The following CAPN8 variants were observed in gnomAD, a reference collection of about 807,000 sequenced individuals.
CAPN8 encodes calpain 8.
A neutral mutation model predicts 80.9 loss-of-function variants in CAPN8; 87 were observed. The observed-to-expected ratio is 1.07, with a 90% confidence interval of 0.90 to 1.28. The LOEUF (loss-of-function observed/expected upper bound fraction) is 1.28. Among genes scored for constraint, CAPN8 ranks in the 50% most tolerant of loss-of-function variants. CAPN8 has a pLI of 0.00. For missense variants in CAPN8, 757 were observed against 702.0 expected (o/e 1.08, Z -0.89); for synonymous variants, 299 against 273.8 (o/e 1.09, Z -0.91).
chr1:223,628,818 C>T, intron 2 of CAPN8, 38 bp from the exon 3 acceptor site: 1 of 1,503,204 alleles, frequency 6.7e-7, no homozygotes, highest in South Asian at 1.2e-5. Flanking sequence ...TGGTCAGGCC[C>T]AGCCTGCAGG....
Position 223,550,941 on chromosome 1 carries a change from A to T in CAPN8, c.1699+19T>A. ...GCATCTCCTACGGACTTTCTGAAAG[A>T]CCCCAAGAAGGAACTTACTCTTGGA... is the stretch of plus-strand genomic sequence containing the variant. On this transcript the variant is annotated intron_variant, in intron 15 of 20. Coordinates refer to ENST00000366872, the MANE Select transcript of CAPN8 (RefSeq NM_001143962.2). The T allele has an allele frequency of 1.4e-6, 1 of 717,494 alleles. No homozygotes were observed. The highest frequency in any genetic ancestry group is 1.5e-5 in the South Asian group (1 of 67,516). 44.4% of individuals were successfully genotyped at this position (717,494 alleles called of 1,614,324 possible).
intron 13 of CAPN8, among the ~76,000 whole-genome samples, chr1:223,556,762 C>CA (rs1656915110): frequency 6.6e-6 from 1 of 151,970 alleles, no homozygotes; most frequent in African/African-American, 2.4e-5. Flanking sequence ...CCTTCCCATC[C>CA]AAAAAAGGAG....
chr1:223,654,701 C>T (rs965213948), intron 1 of CAPN8, among the ~76,000 whole-genome samples: 6 of 151,986 alleles, frequency 3.9e-5, no homozygotes, highest in Non-Finnish European at 7.4e-5. Context: ...TTTGAGACAG[C>T]GTCTCGCTTT....
At position 223,665,416 on chromosome 1, in the gene CAPN8, C is replaced by T. The variant is rs969392356; in HGVS notation, c.231G>A (p.Arg77=). The T allele has an allele frequency of 1.9e-6, 3 of 1,550,672 alleles. No homozygotes were observed. The African/African-American group carries it at 4.1e-5, about 21-fold the overall frequency. The change falls in exon 1 of 21, where the codon CGG becomes CGA. Residue 77 remains arginine (R), a synonymous_variant. Coordinates refer to ENST00000366872, the MANE Select transcript of CAPN8 (RefSeq NM_001143962.2). ...AGCAAGCCCGCTTCCTTACCGTGGGCCGCTTCCAGATGATGCCTTGAGTTT... is the reference window on the plus strand; with the variant it reads ...AGCAAGCCCGCTTCCTTACCGTGGGTCGCTTCCAGATGATGCCTTGAGTTT... ...SPQTQGIIWK[R]PTELCPSPQF...
At chr1:223,544,417 A>G in intron 18 of CAPN8, 1 of 587,740 alleles carries the variant, frequency 1.7e-6, no homozygotes. Context: ...CGCTAGTACC[A>G]GCACCAACTC....
At chr1:223,543,450 GA>G (rs1656528933) in intron 19 of CAPN8, among the ~76,000 whole-genome samples, 1 of 152,144 alleles carries the variant, frequency 6.6e-6, no homozygotes, top group Admixed American at 6.5e-5. Flanking sequence ...CTTTATATCA[GA>G]AACGTGCAAT....
chr1:223,625,159 G>C (rs945119740), intron 6 of CAPN8, among the ~76,000 whole-genome samples: 2 of 152,172 alleles, frequency 1.3e-5, no homozygotes, highest in East Asian at 3.8e-4. Flanking sequence ...CCTCGGGTTG[G>C]AGAGTGAGGA....
intron 15 of CAPN8, among the ~76,000 whole-genome samples, chr1:223,550,526 G>C (rs1656754098): frequency 6.6e-6 from 1 of 152,166 alleles, no homozygotes; most frequent in Non-Finnish European, 1.5e-5. Flanking sequence ...GACAGTCTAG[G>C]AGAGTCAGAA....
chr1:223,656,870 G>C (rs554383250), intron 1 of CAPN8, among the ~76,000 whole-genome samples: 2 of 151,902 alleles, frequency 1.3e-5, no homozygotes, highest in African/African-American at 4.8e-5. Context: ...TTTTTTAGTA[G>C]AGATGGGGTT....
intron 7 of CAPN8, among the ~76,000 whole-genome samples, chr1:223,620,931 A>G (rs61825175): frequency 0.56 from 84,535 of 151,186 alleles, 24,904 homozygotes; most frequent in African/African-American, 0.73. Context: ...TATGTATGTG[A>G]CATCTAAGTA....
At chr1:223,612,279 C>G (rs1484086205) in intron 10 of CAPN8, 22 bp from the exon 11 acceptor site, 8 of 1,234,070 alleles carry the variant, frequency 6.5e-6, no homozygotes, top group Non-Finnish European at 7.1e-6. Flanking sequence ...AAGAAAAGAG[C>G]AGGTCACCTG....
chr1:223,558,721 ACTGTATG>A (rs1460170711), intron 12 of CAPN8, among the ~76,000 whole-genome samples: 1 of 150,928 alleles, frequency 6.6e-6, no homozygotes, highest in Admixed American at 6.6e-5. Context: ...CTGTGTGTGT[ACTGTATG>A]ATGTGTGATG....
Position 223,616,393 on chromosome 1 carries a change from C to T in CAPN8, c.1136-248G>A, listed in dbSNP as rs73119721. Among the ~76,000 whole-genome samples, 853 of 152,298 alleles carry T rather than the reference C, an allele frequency of 5.6e-3. 9 individuals carry two copies. Among genetic ancestry groups the T allele is most frequent in the African/African-American group, 0.019 (776 of 41,542 alleles). ...AATGTGTGCTTGTCCATTTGATCAA[C>T]GAGGAGCCCAGAAGTGCTTGACTGG... On this transcript the variant is annotated intron_variant, in intron 9 of 20. Coordinates refer to ENST00000366872, the MANE Select transcript of CAPN8 (RefSeq NM_001143962.2).
intron 2 of CAPN8, among the ~76,000 whole-genome samples, chr1:223,637,739 G>T (rs1057470887): frequency 1.3e-5 from 2 of 152,128 alleles, no homozygotes; most frequent in African/African-American, 4.8e-5. Flanking sequence ...GGACAAGAGA[G>T]ACCTAAAGAT....
intron 2 of CAPN8, among the ~76,000 whole-genome samples, chr1:223,638,281 AC>A (rs1304311999): frequency 3.9e-5 from 6 of 152,220 alleles, no homozygotes; most frequent in Admixed American, 6.5e-5. Context: ...CATATCAGGG[AC>A]TTGAGCATCT....
intron 17 of CAPN8, 83 bp downstream of exon 17, chr1:223,545,148 T>A (rs572675043): frequency 1.3e-6 from 2 of 1,545,208 alleles, no homozygotes; most frequent in African/African-American, 2.7e-5. Flanking sequence ...ATTAAGGATG[T>A]GGTCAGAATA....
At chr1:223,638,584 A>G (rs962694015) in intron 2 of CAPN8, among the ~76,000 whole-genome samples, 2 of 152,148 alleles carry the variant, frequency 1.3e-5, no homozygotes, top group African/African-American at 4.8e-5. Flanking sequence ...CTGATAAGGA[A>G]CAATTCCCTG....
chr1:223,618,720 G>C (rs1488157917), intron 9 of CAPN8, among the ~76,000 whole-genome samples: 1 of 152,194 alleles, frequency 6.6e-6, no homozygotes, highest in Non-Finnish European at 1.5e-5. Flanking sequence ...CGTCCTTTGC[G>C]GGCAGGGCAG....
At chr1:223,557,711 G>C (rs1485974273) in intron 13 of CAPN8, among the ~76,000 whole-genome samples, 1 of 152,230 alleles carries the variant, frequency 6.6e-6, no homozygotes, top group African/African-American at 2.4e-5. Context: ...CTCAAGTTTA[G>C]ATGGGTTTTC....
Sources: gnomAD v4.1 joint callset for allele counts (sites outside exome capture counted in the v4.1 genomes callset) on GRCh38, gnomAD v4.1.1 for gene constraint, MANE v1.5 for transcripts, NCBI Gene and HGNC (gene_info 2026-07-23, HGNC 2026-07-21) for gene names.